The following PVT1 variants were observed in gnomAD, a reference collection of about 807,000 sequenced individuals.
PVT1 encodes the protein CXCR4/PVT1 fusion.
At chr8:128,046,362 G>A (rs1391099059) in intron 4 of PVT1, among the ~76,000 whole-genome samples, 3 of 152,244 alleles carry the variant, frequency 2.0e-5, no homozygotes. Flanking sequence ...ACTGTCCACG[G>A]GGTCGGTCAG....
At chr8:127,999,593 C>T (rs1269029728) in intron 4 of PVT1, among the ~76,000 whole-genome samples, 2 of 152,022 alleles carry the variant, frequency 1.3e-5, no homozygotes, top group Non-Finnish European at 2.9e-5. Context: ...TCCCGAGTAG[C>T]TGGGATTACA....
rs771655066 is a variant in PVT1, at chr8:127,817,731, T to TA, written n.372+21673dup. Among the ~76,000 whole-genome samples the TA allele has an allele frequency of 7.9e-4, 106 of 133,346 alleles. No individual in the cohort carries two copies. In the East Asian group the frequency reaches 0.012, roughly 15 times the overall value. The allele number at this position is 133,346 out of a possible 152,430, so 87.5% of individuals were successfully genotyped here. A position where few individuals can be genotyped will look rare whatever the true frequency, so the allele number is the denominator to read the frequency against. On this transcript the variant is annotated intron_variant and non_coding_transcript_variant, in intron 2 of 10. Coordinates refer to ENST00000651587, the Ensembl canonical transcript of PVT1. ...ACCCTGTCTCTACAAAAATGAAAAA[T>TA]AAAAAAAAAAAAATTAGCTGGGTGT... is the stretch of plus-strand genomic sequence containing the variant.
chr8:127,920,905 G>GAGTGT (rs1186419112), intron 3 of PVT1, among the ~76,000 whole-genome samples: 3 of 152,216 alleles, frequency 2.0e-5, no homozygotes, highest in African/African-American at 2.4e-5. Flanking sequence ...GTTGACTTGT[G>GAGTGT]AGTGTGTATT....
At chr8:127,908,073 AT>A (rs1815844885) in intron 3 of PVT1, among the ~76,000 whole-genome samples, 1 of 152,098 alleles carries the variant, frequency 6.6e-6, no homozygotes, top group African/African-American at 2.4e-5. Flanking sequence ...CACCCATGGC[AT>A]TCTCTATCTT....
chr8:128,098,097 C>T (rs1430721022), intron 6 of PVT1, among the ~76,000 whole-genome samples: 1 of 152,150 alleles, frequency 6.6e-6, no homozygotes, highest in African/African-American at 2.4e-5. Flanking sequence ...AGGGGCAGTT[C>T]CTGTGTCCCC....
At chr8:128,074,765 G>T (rs1289574613) in intron 5 of PVT1, among the ~76,000 whole-genome samples, 2 of 152,172 alleles carry the variant, frequency 1.3e-5, no homozygotes, top group East Asian at 3.9e-4. Flanking sequence ...CTCAATTTCA[G>T]CTCTTAGGTA....
At chr8:127,999,274 C>T (rs1817146937) in intron 4 of PVT1, 1 of 152,014 alleles carries the variant, frequency 6.6e-6, no homozygotes. Context: ...TAATGGGGGA[C>T]TGCATTTACA....
At chr8:127,897,488 GAGAA>G (rs946004321) in intron 3 of PVT1, among the ~76,000 whole-genome samples, 13 of 145,146 alleles carry the variant, frequency 9.0e-5, no homozygotes, top group Non-Finnish European at 1.4e-4. Flanking sequence ...GAGAGAAAGA[GAGAA>G]AGAAAGGAAG....
At chr8:127,910,220 G>C (rs992893744) in intron 3 of PVT1, among the ~76,000 whole-genome samples, 2 of 152,214 alleles carry the variant, frequency 1.3e-5, no homozygotes, top group Non-Finnish European at 2.9e-5. Flanking sequence ...GATGGGACTG[G>C]TGGGAAGATT....
At chr8:127,981,311 G>A (rs1816880649) in intron 3 of PVT1, among the ~76,000 whole-genome samples, 1 of 152,228 alleles carries the variant, frequency 6.6e-6, no homozygotes, top group Admixed American at 6.5e-5. Flanking sequence ...AAAGAGCTTG[G>A]AGAGAGGTGC....
At chr8:127,947,091 T>A (rs1198857477) in intron 3 of PVT1, 2 of 152,752 alleles carry the variant, frequency 1.3e-5, no homozygotes, top group Non-Finnish European at 2.9e-5. Context: ...AGGTGGTCCC[T>A]TGTTGAAAGC....
At chr8:128,044,719 A>G (rs942147730) in intron 4 of PVT1, among the ~76,000 whole-genome samples, 4 of 152,218 alleles carry the variant, frequency 2.6e-5, no homozygotes, top group Non-Finnish European at 5.9e-5. Flanking sequence ...TCAATATAAA[A>G]TACCAAGTAT....
intron 3 of PVT1, among the ~76,000 whole-genome samples, chr8:127,937,574 C>T (rs1354698165): frequency 3.1e-5 from 3 of 96,232 alleles, no homozygotes; most frequent in African/African-American, 1.0e-4. Flanking sequence ...CACACACACA[C>T]ACACACAGAG....
At chr8:127,825,873 T>TG (rs1412102771) in intron 2 of PVT1, among the ~76,000 whole-genome samples, 6 of 151,706 alleles carry the variant, frequency 4.0e-5, no homozygotes, top group Non-Finnish European at 5.9e-5. Flanking sequence ...TTTTTTGAGA[T>TG]GGGGTCTTAC....
intron 3 of PVT1, among the ~76,000 whole-genome samples, chr8:127,911,344 G>C (rs529965515): frequency 6.6e-6 from 1 of 152,226 alleles, no homozygotes; most frequent in Non-Finnish European, 1.5e-5. Context: ...TGAAGATACC[G>C]CAAGGGGAGT....
At chr8:127,871,709 T>C (rs1815353190) in intron 2 of PVT1, among the ~76,000 whole-genome samples, 1 of 152,202 alleles carries the variant, frequency 6.6e-6, no homozygotes, top group Non-Finnish European at 1.5e-5. Flanking sequence ...TGCCAGATGT[T>C]GATTCAAAAA....
chr8:127,982,147 G>A (rs1816889300), intron 3 of PVT1, among the ~76,000 whole-genome samples: 1 of 152,152 alleles, frequency 6.6e-6, no homozygotes, highest in Non-Finnish European at 1.5e-5. Context: ...CACCTTCTTG[G>A]GTTGTTGTAG....
intron 3 of PVT1, among the ~76,000 whole-genome samples, chr8:127,964,397 G>T (rs1448171129): frequency 6.6e-6 from 1 of 152,230 alleles, no homozygotes; most frequent in African/African-American, 2.4e-5. Context: ...AGCAGAACTG[G>T]AGGATGGAGG....
At chr8:127,801,306 A>C (rs1814462849) in intron 2 of PVT1, among the ~76,000 whole-genome samples, 1 of 151,856 alleles carries the variant, frequency 6.6e-6, no homozygotes, top group Non-Finnish European at 1.5e-5. Flanking sequence ...CAGTGGGGAG[A>C]TCTTGGTTCA....
Sources: gnomAD v4.1 joint callset for allele counts (sites outside exome capture counted in the v4.1 genomes callset) on GRCh38, gnomAD v4.1.1 for gene constraint, MANE v1.5 for transcripts, NCBI Gene and HGNC (gene_info 2026-07-23, HGNC 2026-07-21) for gene names.